Variants in ROBO2 observed in about 807,000 individuals in gnomAD.
ROBO2 encodes the protein roundabout guidance receptor 2, also known as roundabout homolog 2.
In ROBO2, 53 loss-of-function variants were observed where a neutral mutation model predicts 160.8. The ratio of observed to expected loss-of-function variants is 0.33; its 90% CI spans 0.26 to 0.41. The LOEUF (loss-of-function observed/expected upper bound fraction) is 0.41, where lower values mean the gene tolerates loss of function less well. Among genes scored for constraint, ROBO2 ranks in the 10% least tolerant of loss-of-function variants. The pLI is 1.00. For synonymous variants in ROBO2, 664 were observed against 611.7 expected (o/e 1.09, Z -1.26); for missense variants, 1,577 against 1,722.4 (o/e 0.92, Z 1.49).
intron 2 of ROBO2, among the ~76,000 whole-genome samples, chr3:76,163,735 G>T (rs1242372867): frequency 2.7e-5 from 4 of 149,098 alleles, no homozygotes; most frequent in African/African-American, 9.7e-5. Flanking sequence ...GTGTAGAAAT[G>T]CACATACCAT....
chr3:77,392,337 G>T (rs1014914914), intron 2 of ROBO2, among the ~76,000 whole-genome samples: 1 of 152,144 alleles, frequency 6.6e-6, no homozygotes, highest in Non-Finnish European at 1.5e-5. Context: ...TCCTAATAGG[G>T]ATTAATTTAG....
chr3:76,712,542 G>A (rs963786815), intron 2 of ROBO2, among the ~76,000 whole-genome samples: 1 of 152,000 alleles, frequency 6.6e-6, no homozygotes, highest in Non-Finnish European at 1.5e-5. Flanking sequence ...GGGTGTGGTG[G>A]TATGTGCCTG....
At chr3:76,227,033 A>G (rs1236227944) in intron 2 of ROBO2, among the ~76,000 whole-genome samples, 1 of 152,226 alleles carries the variant, frequency 6.6e-6, no homozygotes, top group African/African-American at 2.4e-5. Context: ...GGCATTCACC[A>G]GCATTGCCAT....
At chr3:77,545,173 C>T (rs1239632729) in intron 6 of ROBO2, among the ~76,000 whole-genome samples, 4 of 152,064 alleles carry the variant, frequency 2.6e-5, no homozygotes, top group African/African-American at 9.7e-5. Context: ...ATTACTTTTG[C>T]ATCTGTCACT....
chr3:76,123,983 T>G (rs1416994977), intron 2 of ROBO2, among the ~76,000 whole-genome samples: 1 of 152,266 alleles, frequency 6.6e-6, no homozygotes, highest in South Asian at 2.1e-4. Context: ...ACTGTTGTAC[T>G]TGTTAGCAAA....
intron 2 of ROBO2, among the ~76,000 whole-genome samples, chr3:77,295,099 C>T (rs951769852): frequency 1.8e-4 from 26 of 146,850 alleles, no homozygotes; most frequent in East Asian, 4.2e-4. Context: ...GTAAATTTGA[C>T]GGTTAAAAAG....
intron 2 of ROBO2, among the ~76,000 whole-genome samples, chr3:76,782,606 C>G (rs1002143669): frequency 2.0e-5 from 3 of 150,648 alleles, no homozygotes; most frequent in Non-Finnish European, 4.5e-5. Flanking sequence ...ATTTGATAAA[C>G]TCATGACTTT....
rs1405084238 is a variant in ROBO2, at chr3:76,756,958, A to G, written c.110-341056A>G. 2.0e-5 allele frequency among the ~76,000 whole-genome samples: 3 copies of G among 151,884 alleles called. No individual in the cohort carries two copies. The East Asian group carries it at 5.8e-4, about 30-fold the overall frequency. On this transcript the variant is annotated intron_variant, in intron 2 of 26. Coordinates refer to the ROBO2 transcript ENST00000487694. ...TATTAGTGATAAATAGATAAGAGAG[A>G]GCTGGGCACATAAACTGTTTTGCCT...
intron 2 of ROBO2, among the ~76,000 whole-genome samples, chr3:75,963,850 C>T (rs536046275): frequency 1.3e-5 from 2 of 151,844 alleles, no homozygotes; most frequent in East Asian, 2.0e-4. Flanking sequence ...TGTGCATACA[C>T]GTAGCTGATT....
At chr3:76,335,330 G>A (rs2073810015) in intron 2 of ROBO2, among the ~76,000 whole-genome samples, 3 of 151,124 alleles carry the variant, frequency 2.0e-5, no homozygotes, top group South Asian at 4.2e-4. Context: ...ACAGGTGTGT[G>A]CCACCACGCC....
intron 2 of ROBO2, among the ~76,000 whole-genome samples, chr3:77,252,811 A>C: frequency 2.8e-5 from 1 of 35,854 alleles, no homozygotes; most frequent in Non-Finnish European, 8.3e-5. Flanking sequence ...CCATCTCAAA[A>C]AAAAAAAAAA....
chr3:77,423,246 C>G (rs1342016528), intron 2 of ROBO2, among the ~76,000 whole-genome samples: 1 of 152,068 alleles, frequency 6.6e-6, no homozygotes, highest in East Asian at 1.9e-4. Context: ...CTTTAAAAGA[C>G]TAGATGAATT....
At chr3:76,839,098 A>C (rs942622753) in intron 2 of ROBO2, among the ~76,000 whole-genome samples, 2 of 152,188 alleles carry the variant, frequency 1.3e-5, no homozygotes, top group East Asian at 3.8e-4. Context: ...CATCATTAAA[A>C]TTCAGAAATG....
chr3:77,450,042 AT>A (rs1323815153), intron 2 of ROBO2, among the ~76,000 whole-genome samples: 2 of 149,808 alleles, frequency 1.3e-5, no homozygotes, highest in East Asian at 2.0e-4. Flanking sequence ...AAAAAAAAAA[AT>A]TTGTAAAGTA....
At chr3:76,530,298 C>T (rs547628063) in intron 2 of ROBO2, among the ~76,000 whole-genome samples, 97 of 152,286 alleles carry the variant, frequency 6.4e-4, no homozygotes, top group Admixed American at 2.0e-3. Context: ...ATTTTGGATT[C>T]TCCTGATTTG....
At chr3:76,739,175 G>A (rs539237824) in intron 2 of ROBO2, among the ~76,000 whole-genome samples, 28 of 152,142 alleles carry the variant, frequency 1.8e-4, no homozygotes, top group Non-Finnish European at 3.4e-4. Flanking sequence ...AAAGACACAC[G>A]CACACATATG....
intron 2 of ROBO2, among the ~76,000 whole-genome samples, chr3:76,206,139 C>G (rs2107287237): frequency 7.6e-6 from 1 of 131,266 alleles, no homozygotes; most frequent in African/African-American, 2.8e-5. Context: ...CTGACCATCA[C>G]CTGCAGCCCG....
At chr3:77,523,465 G>T (rs1406984134) in intron 6 of ROBO2, among the ~76,000 whole-genome samples, 1 of 151,386 alleles carries the variant, frequency 6.6e-6, no homozygotes, top group Non-Finnish European at 1.5e-5. Context: ...AATTGAAATA[G>T]TCAGTGCTGC....
At chr3:77,255,310 A>G (rs1326332347) in intron 2 of ROBO2, among the ~76,000 whole-genome samples, 1 of 152,224 alleles carries the variant, frequency 6.6e-6, no homozygotes, top group Non-Finnish European at 1.5e-5. Context: ...TAAAATCAGC[A>G]TTCTGTAAAG....
Sources: allele counts gnomAD v4.1 joint callset (sites outside exome capture counted in the v4.1 genomes callset), GRCh38; gene constraint gnomAD v4.1.1; transcripts MANE v1.5; gene names NCBI Gene and HGNC (gene_info 2026-07-23, HGNC 2026-07-21).